ANXA6: variants seen among roughly 807,000 people sequenced by gnomAD.
ANXA6 encodes the protein 67 kDa calelectrin.
Under a neutral mutation model 95.4 loss-of-function variants are expected in ANXA6, and 71 were observed. The ratio of observed to expected loss-of-function variants is 0.74; its 90% confidence interval spans 0.61 to 0.91. The LOEUF (loss-of-function observed/expected upper bound fraction) is 0.91. ANXA6 is among the 40% of genes least tolerant of loss of function. ANXA6 has a pLI of 0.00. For missense variants in ANXA6, 830 were observed against 876.4 expected (o/e 0.95, Z 0.67); for synonymous variants, 289 against 315.9 (o/e 0.91, Z 0.90).
At chr5:151,117,658 G>C (rs1765039849) in intron 19 of ANXA6, 100 bp downstream of exon 19, 2 of 991,862 alleles carry the variant, frequency 2.0e-6, no homozygotes, top group Admixed American at 4.0e-5. Context: ...TCCATCAGGA[G>C]TGCACTTCTA....
chr5:151,125,955 T>C (rs10037814), intron 14 of ANXA6, among the ~76,000 whole-genome samples: 71,090 of 152,078 alleles, frequency 0.47, 17,231 homozygotes, highest in East Asian at 0.74. Context: ...TTGCAGTCTC[T>C]GGAATGGTTT....
chr5:151,128,125 C>A lies in ANXA6; in HGVS notation c.977+56G>T, dbSNP rs1765380619. Reference sequence around the variant, plus strand: ...CCATCAGGATGCGAGCCAGGAGAGTCCCCGCCTGGCACCCCAAGGCCATGC... The same window carrying A: ...CCATCAGGATGCGAGCCAGGAGAGTACCCGCCTGGCACCCCAAGGCCATGC... On this transcript the variant is annotated intron_variant, in intron 13 of 25. Transcript: ENST00000354546. 2.7e-6 allele frequency: 4 copies of A among 1,469,792 alleles called. No homozygotes were observed. The South Asian group carries it at 3.6e-5, about 13-fold the overall frequency. 91.0% of individuals were successfully genotyped at this position (1,469,792 alleles called of 1,614,324 possible).
intron 8 of ANXA6, 93 bp downstream of exon 8, chr5:151,134,332 AAT>A: frequency 8.2e-7 from 1 of 1,225,696 alleles, no homozygotes; most frequent in South Asian, 1.2e-5. Flanking sequence ...ATTTGATGCA[AAT>A]GACTTCACCT....
chr5:151,122,173 C>T lies in ANXA6; in HGVS notation c.1321G>A (p.Ala441Thr), dbSNP rs1765185529. The change falls in exon 17 of 26, where the codon GCC becomes ACC. Residue 441 changes from alanine to threonine, a missense_variant. Transcript: ENST00000354546. ...GLMMPPAHYD[A>T]KQLKKAMEGA... ...TCCATGGCCTTCTTCAACTGCTTGG[C>T]ATCGTAATGGGCCGGTGGCATCATG... 1.3e-6 allele frequency: 2 copies of T among 1,597,084 alleles called. No individual in the cohort carries two copies. Among genetic ancestry groups the T allele is most frequent in the Non-Finnish European group, 1.7e-6 (2 of 1,174,290 alleles).
intron 5 of ANXA6, among the ~76,000 whole-genome samples, chr5:151,138,177 GC>G (rs1471237559): frequency 2.0e-5 from 3 of 152,056 alleles, no homozygotes; most frequent in African/African-American, 7.2e-5. Context: ...TTCCTAGGGG[GC>G]AATTCTCTAC....
chr5:151,100,954 T>C lies in ANXA6; in HGVS notation c.*494A>G, dbSNP rs1312668493. ...CATCCAAATTCCTGGTCCAGTACTCTAGCGCGGCCTGGATGGAGATGGGTG... is the reference window on the plus strand; with the variant it reads ...CATCCAAATTCCTGGTCCAGTACTCCAGCGCGGCCTGGATGGAGATGGGTG... On this transcript the variant is annotated 3_prime_UTR_variant, in exon 26 of 26. Transcript: ENST00000354546. 6 of 456,732 alleles carry C rather than the reference T, an allele frequency of 1.3e-5. No individual in the cohort carries two copies. The highest frequency in any genetic ancestry group is 1.2e-4 in the African/African-American group (6 of 50,102). The allele number at this position is 456,732 out of a possible 1,614,324, so 28.3% of individuals were successfully genotyped here.
At chr5:151,130,843 C>T (rs990543865) in intron 11 of ANXA6, among the ~76,000 whole-genome samples, 1 of 152,250 alleles carries the variant, frequency 6.6e-6, no homozygotes, top group African/African-American at 2.4e-5. Flanking sequence ...CAGAAACACA[C>T]CCAGAGTGGA....
At chr5:151,108,593 G>A (rs771268888) in intron 22 of ANXA6, 43 bp from the exon 23 acceptor site, 1 of 1,570,724 alleles carries the variant, frequency 6.4e-7, no homozygotes, top group Middle Eastern at 1.7e-4. Context: ...GAGCTTCAGT[G>A]CAGGAGGCGG....
At chr5:151,119,650 C>T (rs1487802481) in intron 17 of ANXA6, among the ~76,000 whole-genome samples, 1 of 152,158 alleles carries the variant, frequency 6.6e-6, no homozygotes, top group Admixed American at 6.5e-5. Flanking sequence ...GTGTATAACA[C>T]CACATATACA....
At chr5:151,154,480 G>A (rs1007430403) in intron 1 of ANXA6, among the ~76,000 whole-genome samples, 4 of 152,024 alleles carry the variant, frequency 2.6e-5, no homozygotes, top group South Asian at 2.1e-4. Flanking sequence ...TCTTCAGTGC[G>A]TCCTGGGGTA....
intron 6 of ANXA6, 144 bp downstream of exon 6, chr5:151,137,087 T>A (rs1432898568): frequency 1.3e-6 from 1 of 743,432 alleles, no homozygotes; most frequent in African/African-American, 1.8e-5. Flanking sequence ...GAGCAAGTAC[T>A]TATTGGGTAG....
intron 9 of ANXA6, 58 bp downstream of exon 9, chr5:151,133,036 G>T: frequency 1.0e-5 from 12 of 1,169,762 alleles, no homozygotes; most frequent in Admixed American, 6.3e-5. Flanking sequence ...AAGAGATAAA[G>T]AAAGGCATTA....
chr5:151,154,802 A>C (rs1260101665), intron 1 of ANXA6: 3 of 152,236 alleles, frequency 2.0e-5, no homozygotes, highest in Non-Finnish European at 4.4e-5. Context: ...GAACTAGTCT[A>C]GCCTAGGTTT....
intron 13 of ANXA6, 87 bp from the exon 14 acceptor site, chr5:151,126,567 CACA>C: frequency 1.1e-6 from 1 of 945,326 alleles, no homozygotes; most frequent in Non-Finnish European, 1.7e-6. Flanking sequence ...CACACACACA[CACA>C]CCCCAACACA....
chr5:151,133,324 CA>C (rs1331945248), intron 8 of ANXA6, 137 bp from the exon 9 acceptor site: 1 of 626,674 alleles, frequency 1.6e-6, no homozygotes, highest in Non-Finnish European at 2.9e-6. Context: ...GCAAATAAAA[CA>C]GTCATGCATC....
At position 151,101,290 on chromosome 5, in the gene ANXA6, A is replaced by C; in HGVS notation, c.*158T>G. On this transcript the variant is annotated 3_prime_UTR_variant, in exon 26 of 26. Coordinates refer to ENST00000354546, the MANE Select transcript of ANXA6 (RefSeq NM_001155.5). Reference sequence around the variant, plus strand: ...GCCCTCGATGGCCCGTGGGAGTGGGAGCGTTTCCTAAGCTCCACTGAAGAT... The same window carrying C: ...GCCCTCGATGGCCCGTGGGAGTGGGCGCGTTTCCTAAGCTCCACTGAAGAT... 4 of 685,476 alleles carry C rather than the reference A, an allele frequency of 5.8e-6. No individual in the cohort carries two copies. Among genetic ancestry groups the C allele is most frequent in the East Asian group, 5.6e-5 (2 of 35,984 alleles). 42.5% of individuals were successfully genotyped at this position (685,476 alleles called of 1,614,324 possible).
intron 1 of ANXA6, among the ~76,000 whole-genome samples, chr5:151,153,326 G>C (rs964176925): frequency 6.6e-6 from 1 of 152,234 alleles, no homozygotes; most frequent in African/African-American, 2.4e-5. Context: ...TAGAGATTCT[G>C]ACTCAACTGC....
chr5:151,111,773 G>A (rs558746863), intron 20 of ANXA6, among the ~76,000 whole-genome samples: 2 of 150,700 alleles, frequency 1.3e-5, no homozygotes, highest in South Asian at 4.2e-4. Flanking sequence ...ATTTTTTGTA[G>A]AGAAGGGGTC....
rs1031080155 is a variant in ANXA6, at chr5:151,137,340, CG to C, written c.319-20del. The C allele has an allele frequency of 8.1e-6, 13 of 1,603,476 alleles. No homozygotes were observed. The highest frequency in any genetic ancestry group is 1.1e-5 in the Non-Finnish European group (13 of 1,173,218). ...CAATGCCCTGGGGGTAGAAAAAGAG[CG>C]CATGAATTAAGGGCAGGGATGGGAG... On this transcript the variant is annotated intron_variant, in intron 5 of 25. Transcript: ENST00000354546.
Sources: gnomAD v4.1 joint callset for allele counts (sites outside exome capture counted in the v4.1 genomes callset) on GRCh38, gnomAD v4.1.1 for gene constraint, MANE v1.5 for transcripts, NCBI Gene and HGNC (gene_info 2026-07-23, HGNC 2026-07-21) for gene names.